RHOU: variants seen among roughly 807,000 people sequenced by gnomAD.
RHOU encodes rho-related GTP-binding protein RhoU.
RHOU carries 8 observed loss-of-function variants against 12.6 expected under a neutral mutation model. That is an observed-to-expected ratio of 0.64 (90% CI 0.37 to 1.15). The LOEUF (loss-of-function observed/expected upper bound fraction) is 1.15, where lower values mean the gene tolerates loss of function less well. RHOU is among the 50% of genes most tolerant of loss of function. RHOU has a pLI of 0.01. For synonymous variants in RHOU, 161 were observed against 147.4 expected, an observed-to-expected ratio of 1.09 and a Z score of -0.67; for missense variants, 258 against 347.0, an observed-to-expected ratio of 0.74 and a Z score of 2.04.
chr1:228,667,586 C>T, the RHOU span, among the ~76,000 whole-genome samples: 1 of 152,218 alleles, frequency 6.6e-6, no homozygotes, highest in African/African-American at 2.4e-5. Flanking sequence ...CCAGGCCTCT[C>T]TCTGGCCTGT....
chr1:228,724,483 G>A, the RHOU span, among the ~76,000 whole-genome samples: 14,722 of 151,958 alleles, frequency 0.097, 777 homozygotes, highest in Middle Eastern at 0.22. Context: ...TTTCTTTTTG[G>A]TAAGAATTTT....
At chr1:228,701,554 T>G in the RHOU span, among the ~76,000 whole-genome samples, 1 of 152,130 alleles carries the variant, frequency 6.6e-6, no homozygotes, top group Admixed American at 6.5e-5. Flanking sequence ...ATTAATGAAT[T>G]ATCAATATTA....
chr1:228,660,200 A>G, the RHOU span, among the ~76,000 whole-genome samples: 1 of 152,086 alleles, frequency 6.6e-6, no homozygotes, highest in Middle Eastern at 3.4e-3. Context: ...GAACAATTGT[A>G]CACCAACATA....
At chr1:228,720,437 C>T in the RHOU span, among the ~76,000 whole-genome samples, 1 of 152,114 alleles carries the variant, frequency 6.6e-6, no homozygotes, top group Non-Finnish European at 1.5e-5. Flanking sequence ...ACCCCCAATA[C>T]CTCAGAATGT....
At chr1:228,707,120 A>G in the RHOU span, among the ~76,000 whole-genome samples, 249 of 84,636 alleles carry the variant, frequency 2.9e-3, 1 homozygote, top group Middle Eastern at 6.0e-3. Flanking sequence ...ATATATATAT[A>G]TATATACATA....
At chr1:228,726,569 G>T in the RHOU span, among the ~76,000 whole-genome samples, 1 of 151,922 alleles carries the variant, frequency 6.6e-6, no homozygotes, top group Admixed American at 6.6e-5. Flanking sequence ...GGAAGCTGAG[G>T]CAGGAGAATT....
At chr1:228,653,449 G>C in the RHOU span, among the ~76,000 whole-genome samples, 1 of 152,082 alleles carries the variant, frequency 6.6e-6, no homozygotes, top group Non-Finnish European at 1.5e-5. Flanking sequence ...CCTTCCAAGT[G>C]GCTGGGATTA....
At chr1:228,650,750 G>C in the RHOU span, 1 of 445,256 alleles carries the variant, frequency 2.2e-6, no homozygotes, top group Non-Finnish European at 4.4e-6. Flanking sequence ...TTATGATCAG[G>C]GTGGTCCAGT....
At chr1:228,679,805 G>GT in the RHOU span, among the ~76,000 whole-genome samples, 4 of 151,984 alleles carry the variant, frequency 2.6e-5, no homozygotes, top group Non-Finnish European at 5.9e-5. Flanking sequence ...GGGAGTAGAG[G>GT]TGGATTAAGG....
At chr1:228,695,856 C>A in the RHOU span, among the ~76,000 whole-genome samples, 1 of 152,306 alleles carries the variant, frequency 6.6e-6, no homozygotes, top group African/African-American at 2.4e-5. Context: ...CCTTCAGCCC[C>A]TCTTCCCTCC....
the RHOU span, among the ~76,000 whole-genome samples, chr1:228,657,101 C>G: frequency 6.6e-6 from 1 of 151,468 alleles, no homozygotes; most frequent in Non-Finnish European, 1.5e-5. Context: ...CATGATGAAA[C>G]CCTGTCTCTA....
At chr1:228,647,679 C>T in the RHOU span, among the ~76,000 whole-genome samples, 35 of 152,294 alleles carry the variant, frequency 2.3e-4, no homozygotes, top group Admixed American at 1.4e-3. Context: ...TCCTGGCCTG[C>T]ACCTTAGTGA....
In RHOU at chr1:228,737,785, T is replaced by G; in HGVS notation, c.321+54T>G. The stretch of plus-strand genomic sequence containing the variant: ...GGAAAGGAAACAGCCTTTTAAAGAT[T>G]TCCAAATAACCTTTGATTCCCTCAG... On this transcript the variant is annotated intron_variant, in intron 2 of 2. Coordinates refer to ENST00000366691, the MANE Select transcript of RHOU (RefSeq NM_021205.6). The surrounding 1 kb of genome is among the most constrained non-coding windows in gnomAD (Gnocchi z 4.1). 6.3e-7 allele frequency: 1 copy of G among 1,577,222 alleles called. No homozygotes were observed. Among genetic ancestry groups the G allele is most frequent in the South Asian group, 1.1e-5 (1 of 90,178 alleles).
At chr1:228,730,626 C>A (rs984562451), upstream of RHOU, among the ~76,000 whole-genome samples, 5 of 152,192 alleles carry the variant, frequency 3.3e-5, no homozygotes, top group African/African-American at 1.2e-4. Context: ...CAATAGACAA[C>A]CCAGCTTAGA....
At chr1:228,710,877 G>T in the RHOU span, among the ~76,000 whole-genome samples, 1 of 152,134 alleles carries the variant, frequency 6.6e-6, no homozygotes, top group African/African-American at 2.4e-5. Flanking sequence ...AATTGTACCT[G>T]TTTGCAGACG....
chr1:228,654,425 C>G, the RHOU span, among the ~76,000 whole-genome samples: 1 of 152,104 alleles, frequency 6.6e-6, no homozygotes, highest in African/African-American at 2.4e-5. Context: ...TTTTATAAGA[C>G]AAGTCTCATA....
chr1:228,646,803 C>T, the RHOU span, among the ~76,000 whole-genome samples: 1 of 151,940 alleles, frequency 6.6e-6, no homozygotes, highest in African/African-American at 2.4e-5. Flanking sequence ...CGCAGACGCA[C>T]GCACACACAC....
chr1:228,690,626 G>T, the RHOU span, among the ~76,000 whole-genome samples: 1 of 138,068 alleles, frequency 7.2e-6, no homozygotes, highest in Admixed American at 7.2e-5. Flanking sequence ...CCGGCTGTTT[G>T]GTTTTTTTTG....
chr1:228,695,198 G>A, the RHOU span, among the ~76,000 whole-genome samples: 3 of 152,226 alleles, frequency 2.0e-5, no homozygotes, highest in Admixed American at 2.0e-4. Flanking sequence ...TCAAACTCCT[G>A]AGCTCAAGCG....
Sources: allele counts gnomAD v4.1 joint callset (sites outside exome capture counted in the v4.1 genomes callset), GRCh38; gene constraint gnomAD v4.1.1; non-coding constraint Gnocchi (gnomAD v3.1); transcripts MANE v1.5; gene names NCBI Gene and HGNC (gene_info 2026-07-23, HGNC 2026-07-21).